TREH: variants seen among roughly 807,000 people sequenced by gnomAD.
The protein encoded by TREH is trehalase.
TREH carries 69 observed loss-of-function variants against 80.5 expected under a neutral mutation model. The ratio of observed to expected loss-of-function variants is 0.86; its 90% CI spans 0.71 to 1.05. The LOEUF is 1.05. TREH is among the 50% of genes least tolerant of loss of function. TREH has a pLI of 0.00. For missense variants in TREH, 716 were observed against 718.8 expected, an observed-to-expected ratio of 1.00 and a Z score of 0.04; for synonymous variants, 309 against 293.5, an observed-to-expected ratio of 1.05 and a Z score of -0.54.
In TREH at chr11:118,663,042, A is replaced by G; in HGVS notation, c.335+10T>C. The G allele has an allele frequency of 2.5e-6, 4 of 1,612,954 alleles. No individual in the cohort carries two copies. The highest frequency in any genetic ancestry group is 3.4e-6 in the Non-Finnish European group (4 of 1,179,188). ...AGGAACCCTCTCTTGTTCCCCTTCC[A>G]GAGTCATACCTGTCTTTCCAGTCTG... On this transcript the variant is annotated intron_variant, in intron 3 of 14. Transcript: ENST00000264029.
intron 1 of TREH, among the ~76,000 whole-genome samples, chr11:118,666,434 C>T (rs1356214645): frequency 3.3e-5 from 5 of 152,178 alleles, no homozygotes; most frequent in African/African-American, 7.2e-5. Context: ...TTTGCCAAGA[C>T]GACTCCTGCT....
intron 1 of TREH, among the ~76,000 whole-genome samples, chr11:118,678,750 G>A (rs647878): frequency 0.35 from 51,903 of 150,368 alleles, 8,938 homozygotes; most frequent in Admixed American, 0.47. Flanking sequence ...GGAACGAAGG[G>A]TGGACATCGC....
Position 118,658,176 on chromosome 11 carries a change from C to T in TREH, c.*113G>A, listed in dbSNP as rs782567861. ...CAGGTCGTGACCCTGCCCTCCACTT[C>T]GCTCTGAGGACAGGCTGGGAGGTAG... On this transcript the variant is annotated 3_prime_UTR_variant, in exon 15 of 15. Transcript: ENST00000264029. 86 of 1,419,856 alleles carry T rather than the reference C, an allele frequency of 6.1e-5. No homozygotes were observed. Among genetic ancestry groups the T allele is most frequent in the Non-Finnish European group, 8.1e-5 (85 of 1,055,882 alleles). 88.0% of individuals were successfully genotyped at this position (1,419,856 alleles called of 1,614,324 possible).
chr11:118,667,807 C>T (rs374978147), intron 1 of TREH, among the ~76,000 whole-genome samples: 11 of 152,190 alleles, frequency 7.2e-5, no homozygotes, highest in African/African-American at 2.7e-4. Context: ...GTTCCCCCAT[C>T]ATGGAACAAG....
At position 118,661,082 on chromosome 11, in the gene TREH, C is replaced by T; in HGVS notation, c.857+78G>A. The T allele has an allele frequency of 6.2e-7, 1 of 1,601,648 alleles. No homozygotes were observed. The highest frequency in any genetic ancestry group is 8.5e-7 in the Non-Finnish European group (1 of 1,172,508). On this transcript the variant is annotated intron_variant, in intron 8 of 14. Transcript: ENST00000264029. This position sits in a 1 kb window ranked among gnomAD's most constrained non-coding sequence, Gnocchi z 4.2. ...GAGAGGCCAGGCTAAGTCACTCCTC[C>T]TCCTGCCCGGGGCATTGTGATGCTC...
intron 2 of TREH, 64 bp downstream of exon 2, chr11:118,663,275 T>C: frequency 6.4e-7 from 1 of 1,563,608 alleles, no homozygotes; most frequent in South Asian, 1.2e-5. Context: ...CTACTTGGTC[T>C]TGCCCCCTGC....
Position 118,658,996 on chromosome 11 carries a change from C to T in TREH, c.1454G>A (p.Arg485His), listed in dbSNP as rs371520320. 31 of 1,613,654 alleles carry T rather than the reference C, an allele frequency of 1.9e-5. No homozygotes were observed. The highest frequency in any genetic ancestry group is 6.7e-5 in the Admixed American group (4 of 59,996). Residue 485 changes from arginine (R) to histidine (H), a missense_variant, in exon 13 of 15, where the codon CGT becomes CAT. Coordinates refer to ENST00000264029, the MANE Select transcript of TREH (RefSeq NM_007180.3). ...VIRGLAKAPL[R>H]RAQEVAFQLA... ...CTGGAAAGCCACTTCCTGGGCCCGA[C>T]GTAAAGGTGCCTTGGCCAGGCCTAG...
intron 1 of TREH, among the ~76,000 whole-genome samples, chr11:118,666,245 T>A (rs527740585): frequency 4.7e-5 from 7 of 150,412 alleles, no homozygotes; most frequent in African/African-American, 7.4e-5. Context: ...AAAAAAAAAA[T>A]AAATAAATGA....
Position 118,661,413 on chromosome 11 carries a change from GGT to G in TREH, c.712_713del (p.Thr238GlnfsTer2), listed in dbSNP as rs1555144938. The G allele has an allele frequency of 6.2e-7, 1 of 1,613,816 alleles. No individual in the cohort carries two copies. The highest frequency in any genetic ancestry group is 1.3e-5 in the African/African-American group (1 of 74,914). On this transcript the variant is annotated frameshift_variant, in exon 7 of 15. Coordinates refer to ENST00000264029, the MANE Select transcript of TREH (RefSeq NM_007180.3). LOFTEE classifies it high-confidence loss of function. The surrounding 1 kb of genome is among the most constrained non-coding windows in gnomAD (Gnocchi z 4.2). The part of the protein sequence containing the change: ...TLMMDCYLTH[T>X]NDTAFLQENI... Reference sequence around the variant, plus strand: ...CCCACTGTAGAAAGGCGGTGTCATTGGTGTGAGTCAAGTAGCAATCCATCATG... The same window carrying G: ...CCCACTGTAGAAAGGCGGTGTCATTGGTGAGTCAAGTAGCAATCCATCATG...
chr11:118,679,526 C>T lies in TREH; in HGVS notation c.89+13G>A. On this transcript the variant is annotated intron_variant, in intron 1 of 14. Transcript: ENST00000264029. Reference sequence around the variant, plus strand: ...ATTGCCATCCTCCCCTGCTGCCTTCCCCACACCCCTACCTCTCACAGGGTG... The same window carrying T: ...ATTGCCATCCTCCCCTGCTGCCTTCTCCACACCCCTACCTCTCACAGGGTG... 1 of 1,479,766 alleles carries T rather than the reference C, an allele frequency of 6.8e-7. No homozygotes were observed. Among genetic ancestry groups the T allele is most frequent in the African/African-American group, 1.4e-5 (1 of 70,810 alleles). The allele number at this position is 1,479,766 out of a possible 1,614,324, so 91.7% of individuals were successfully genotyped here. A position where few individuals can be genotyped will look rare whatever the true frequency, so the allele number is the denominator to read the frequency against.
At chr11:118,671,564 A>C (rs1036856597) in intron 1 of TREH, among the ~76,000 whole-genome samples, 1 of 152,170 alleles carries the variant, frequency 6.6e-6, no homozygotes, top group African/African-American at 2.4e-5. Flanking sequence ...ATGCCTCAAA[A>C]TGGCAAATCT....
At position 118,658,110 on chromosome 11, in the gene TREH, T is replaced by A. The variant is rs1949223660; in HGVS notation, c.*179A>T. The A allele has an allele frequency of 2.4e-6, 2 of 849,584 alleles. No individual in the cohort carries two copies. The highest frequency in any genetic ancestry group is 1.8e-6 in the Non-Finnish European group (1 of 560,784). 52.6% of individuals were successfully genotyped at this position (849,584 alleles called of 1,614,324 possible). A position where few individuals can be genotyped will look rare whatever the true frequency, so the allele number is the denominator to read the frequency against. On this transcript the variant is annotated 3_prime_UTR_variant, in exon 15 of 15. Transcript: ENST00000264029. ...CTCCAGAGCAGGATTTCCACCCTAT[T>A]CAAGGTTCCAGGAGGGAGCTAGGCC...
intron 11 of TREH, 48 bp from the exon 12 acceptor site, chr11:118,659,529 G>A: frequency 6.7e-7 from 1 of 1,488,368 alleles, no homozygotes; most frequent in Non-Finnish European, 9.0e-7. Flanking sequence ...GCTGGACTGG[G>A]AGCCAGGACA....
At chr11:118,664,636 G>C (rs557473597) in intron 1 of TREH, among the ~76,000 whole-genome samples, 7 of 152,342 alleles carry the variant, frequency 4.6e-5, no homozygotes, top group African/African-American at 1.7e-4. Flanking sequence ...GAACACAACT[G>C]ACAGCACCTA....
At chr11:118,658,553 G>A (rs1263860565) in intron 14 of TREH, 112 bp from the exon 15 acceptor site, 10 of 1,520,066 alleles carry the variant, frequency 6.6e-6, no homozygotes, top group South Asian at 1.3e-5. Context: ...AGCGGTACAG[G>A]AAGCACCAGT....
Position 118,663,361 on chromosome 11 carries a change from G to C in TREH, c.168C>G (p.Asp56Glu). Residue 56 changes from aspartate to glutamate, a missense_variant, in exon 2 of 15, where the codon GAC becomes GAG. Coordinates refer to ENST00000264029, the MANE Select transcript of TREH (RefSeq NM_007180.3). ...CACCTGGAGCTATAGACAGTGGCAT[G>C]TCCACAAACTGCTTGTCATCCTGGT... ...KLYQDDKQFVDMPLSIAPEQV... is the reference protein window; with the variant it reads ...KLYQDDKQFVEMPLSIAPEQV... 6.3e-7 allele frequency: 1 copy of C among 1,595,168 alleles called. No individual in the cohort carries two copies. The highest frequency in any genetic ancestry group is 8.5e-7 in the Non-Finnish European group (1 of 1,170,684).
At chr11:118,662,319 C>T (rs1306814397) in intron 4 of TREH, among the ~76,000 whole-genome samples, 2 of 152,204 alleles carry the variant, frequency 1.3e-5, no homozygotes, top group East Asian at 1.9e-4. Context: ...AGGGGGGTGC[C>T]AGCCCCCCAT....
At position 118,661,957 on chromosome 11, in the gene TREH, A is replaced by AC; in HGVS notation, c.456dup (p.Phe153ValfsTer19). On this transcript the variant is annotated frameshift_variant, in exon 5 of 15. Coordinates refer to ENST00000264029, the MANE Select transcript of TREH (RefSeq NM_007180.3). LOFTEE classifies it high-confidence loss of function. This position sits in a 1 kb window ranked among gnomAD's most constrained non-coding sequence, Gnocchi z 4.2. ...GGATGTTCTGAGTAGATGAGAGAGA[A>AC]CCGCTCAGGGTGGCTGAGAACCTCT... 1 of 1,554,968 alleles carries AC rather than the reference A, an allele frequency of 6.4e-7. No homozygotes were observed. The highest frequency in any genetic ancestry group is 8.7e-7 in the Non-Finnish European group (1 of 1,148,978).
chr11:118,659,119 C>G, intron 12 of TREH, 102 bp from the exon 13 acceptor site: 1 of 1,252,650 alleles, frequency 8.0e-7, no homozygotes, highest in Non-Finnish European at 1.1e-6. Flanking sequence ...GGCCTGGGCC[C>G]TAAGACTTCC....
Sources: allele counts gnomAD v4.1 joint callset (sites outside exome capture counted in the v4.1 genomes callset), GRCh38; gene constraint gnomAD v4.1.1; non-coding constraint Gnocchi (gnomAD v3.1); transcripts MANE v1.5; gene names NCBI Gene and HGNC (gene_info 2026-07-23, HGNC 2026-07-21).